The following VGLL4 variants were observed in gnomAD, a reference collection of about 807,000 sequenced individuals.
VGLL4 encodes transcription cofactor vestigial-like protein 4.
VGLL4 carries 7 observed loss-of-function variants against 21.0 expected under a neutral mutation model. The observed-to-expected ratio is 0.33, with a 90% confidence interval of 0.19 to 0.63. The LOEUF (loss-of-function observed/expected upper bound fraction) is 0.63. Ranked by LOEUF, VGLL4 falls within the 20% of genes least tolerant of loss-of-function variation. The pLI, the probability that VGLL4 is intolerant of heterozygous loss-of-function variation, is 0.78. For missense variants in VGLL4, 394 were observed against 425.7 expected, an observed-to-expected ratio of 0.93 and a Z score of 0.66; for synonymous variants, 222 against 173.2, an observed-to-expected ratio of 1.28 and a Z score of -2.21.
chr3:11,559,325 C>T lies in VGLL4; in HGVS notation c.619+7G>A, dbSNP rs1194410178. The T allele has an allele frequency of 5.2e-6, 8 of 1,532,596 alleles. No individual in the cohort carries two copies. Among genetic ancestry groups the T allele is most frequent in the Admixed American group, 4.1e-5 (2 of 48,752 alleles). The allele number at this position is 1,532,596 out of a possible 1,614,324, so 94.9% of individuals were successfully genotyped here. A position where few individuals can be genotyped will look rare whatever the true frequency, so the allele number is the denominator to read the frequency against. On this transcript the variant is annotated splice_region_variant and intron_variant, in intron 4 of 4. Coordinates refer to ENST00000430365, the MANE Select transcript of VGLL4 (RefSeq NM_001128219.3). ...CTGTGACAGGTGAGGAGGCCCGGGA[C>T]ACTCACCGCTCGGTGGCCTCCGGTA...
At chr3:11,588,461 C>T (rs917175189) in intron 2 of VGLL4, among the ~76,000 whole-genome samples, 8 of 152,204 alleles carry the variant, frequency 5.3e-5, no homozygotes, top group African/African-American at 1.2e-4. Flanking sequence ...TACAGGCAGA[C>T]GCCCATGGAG....
At chr3:11,633,137 G>C (rs982126773) in intron 1 of VGLL4, 1 of 152,154 alleles carries the variant, frequency 6.6e-6, no homozygotes, top group African/African-American at 2.4e-5. Flanking sequence ...AACTCGCTGA[G>C]TATCCTTGGG....
At chr3:11,697,992 C>A (rs569144558) in intron 2 of VGLL4, among the ~76,000 whole-genome samples, 26 of 152,312 alleles carry the variant, frequency 1.7e-4, no homozygotes, top group South Asian at 1.7e-3. Flanking sequence ...TCCACCAAAA[C>A]CCTCAAAGTT....
At chr3:11,642,582 T>C (rs188864805) in intron 1 of VGLL4, among the ~76,000 whole-genome samples, 1 of 152,350 alleles carries the variant, frequency 6.6e-6, no homozygotes, top group African/African-American at 2.4e-5. Context: ...CCCCCGGAGA[T>C]GCCCTCGGCG....
At chr3:11,680,261 C>T (rs917748288) in intron 2 of VGLL4, among the ~76,000 whole-genome samples, 1 of 152,178 alleles carries the variant, frequency 6.6e-6, no homozygotes, top group African/African-American at 2.4e-5. Context: ...TGCCTAAGGA[C>T]GCATTCTCAG....
chr3:11,584,682 T>C (rs1025958144), intron 2 of VGLL4, among the ~76,000 whole-genome samples: 6 of 152,152 alleles, frequency 3.9e-5, no homozygotes, highest in Admixed American at 3.9e-4. Context: ...AAAAGTTCTT[T>C]TGGTTACAAG....
At chr3:11,707,013 TTTTAG>T (rs1233442308) in intron 1 of VGLL4, among the ~76,000 whole-genome samples, 1 of 152,128 alleles carries the variant, frequency 6.6e-6, no homozygotes, top group East Asian at 1.9e-4. Context: ...GTTCACACTA[TTTTAG>T]TTTAGAAGTT....
At chr3:11,595,312 C>T (rs1043815163) in intron 2 of VGLL4, among the ~76,000 whole-genome samples, 8 of 152,092 alleles carry the variant, frequency 5.3e-5, no homozygotes, top group Non-Finnish European at 7.4e-5. Context: ...GTTAGAATGG[C>T]AATCATTAAA....
chr3:11,579,589 A>G (rs79659309), intron 2 of VGLL4, among the ~76,000 whole-genome samples: 3,472 of 152,270 alleles, frequency 0.023, 120 homozygotes, highest in African/African-American at 0.08. Context: ...AAGACTGAAA[A>G]GAACGTGGGG....
At chr3:11,614,086 G>A (rs903666686) in intron 1 of VGLL4, among the ~76,000 whole-genome samples, 4 of 152,188 alleles carry the variant, frequency 2.6e-5, no homozygotes, top group African/African-American at 7.2e-5. Flanking sequence ...AGCGATACCC[G>A]GCACGGTGCC....
intron 1 of VGLL4, 135 bp downstream of exon 1, chr3:11,643,302 C>T (rs137889300): frequency 7.2e-7 from 1 of 1,395,386 alleles, no homozygotes; most frequent in Admixed American, 2.0e-5. Flanking sequence ...CGAACCGAAC[C>T]TAAGAAACGC....
At position 11,558,304 on chromosome 3, in the gene VGLL4, C is replaced by T; in HGVS notation, c.*252G>A. 1.7e-6 allele frequency: 1 copy of T among 597,084 alleles called. No homozygotes were observed. Among genetic ancestry groups the T allele is most frequent in the Non-Finnish European group, 2.8e-6 (1 of 356,440 alleles). 37.0% of individuals were successfully genotyped at this position (597,084 alleles called of 1,614,324 possible). A position where few individuals can be genotyped will look rare whatever the true frequency, so the allele number is the denominator to read the frequency against. On this transcript the variant is annotated 3_prime_UTR_variant, in exon 5 of 5. Coordinates refer to ENST00000430365, the MANE Select transcript of VGLL4 (RefSeq NM_001128219.3). The stretch of plus-strand genomic sequence containing the variant: ...TCAGAGGTTTCTTTGGTAACTGAGG[C>T]AGGAAGTAAGGATGCTACATTAGAC...
chr3:11,628,384 G>A lies in VGLL4; in HGVS notation c.82+15053C>T, dbSNP rs141387991. The stretch of plus-strand genomic sequence containing the variant: ...GCCTGGGCAACAAGAGTGAAACTCC[G>A]TCTCAAAAAACAAAAAAAAAAAAGA... On this transcript the variant is annotated intron_variant, in intron 1 of 4. Coordinates refer to ENST00000430365, the MANE Select transcript of VGLL4 (RefSeq NM_001128219.3). Among the ~76,000 whole-genome samples, 484 of 147,784 alleles carry A rather than the reference G, an allele frequency of 3.3e-3. 1 individual carries two copies. Among genetic ancestry groups the A allele is most frequent in the African/African-American group, 0.011 (435 of 39,942 alleles).
intron 1 of VGLL4, among the ~76,000 whole-genome samples, chr3:11,714,906 C>G (rs369447444): frequency 1.3e-5 from 2 of 152,092 alleles, no homozygotes; most frequent in Non-Finnish European, 2.9e-5. Context: ...GAGGCTGAGG[C>G]GGGCGGATCA....
intron 2 of VGLL4, among the ~76,000 whole-genome samples, chr3:11,591,248 C>T (rs1043101628): frequency 7.2e-5 from 11 of 152,208 alleles, no homozygotes; most frequent in Admixed American, 3.9e-4. Context: ...CTGTCACATA[C>T]CCCAAACGTC....
intron 1 of VGLL4, among the ~76,000 whole-genome samples, chr3:11,717,327 T>A (rs1190001938): frequency 6.6e-6 from 1 of 152,062 alleles, no homozygotes; most frequent in Non-Finnish European, 1.5e-5. Context: ...AACCTACTCA[T>A]TATTTTACTA....
chr3:11,679,268 G>A (rs1370187061), intron 2 of VGLL4, among the ~76,000 whole-genome samples: 1 of 152,098 alleles, frequency 6.6e-6, no homozygotes, highest in African/African-American at 2.4e-5. Context: ...GACAAAATGT[G>A]GAGGTGCAAG....
intron 2 of VGLL4, among the ~76,000 whole-genome samples, chr3:11,572,992 T>G (rs1291805868): frequency 6.6e-6 from 1 of 151,438 alleles, no homozygotes; most frequent in Non-Finnish European, 1.5e-5. Flanking sequence ...ACATGGCGAA[T>G]CCCCCTCTAC....
intron 1 of VGLL4, among the ~76,000 whole-genome samples, chr3:11,642,551 C>T (rs563398165): frequency 1.3e-5 from 2 of 152,236 alleles, no homozygotes; most frequent in Non-Finnish European, 2.9e-5. Context: ...ACAGAAAACA[C>T]TCTTCCTGCC....
Sources: gnomAD v4.1 joint callset for allele counts (sites outside exome capture counted in the v4.1 genomes callset) on GRCh38, gnomAD v4.1.1 for gene constraint, MANE v1.5 for transcripts, NCBI Gene and HGNC (gene_info 2026-07-23, HGNC 2026-07-21) for gene names.